The following ARSF variants were observed in gnomAD, a reference collection of about 807,000 sequenced individuals.
The protein encoded by ARSF is arylsulfatase F.
Under a neutral mutation model 35.4 loss-of-function variants are expected in ARSF, and 33 were observed. The ratio of observed to expected loss-of-function variants is 0.93; its 90% CI spans 0.71 to 1.25. The LOEUF is 1.25. Ranked by LOEUF, ARSF falls within the 50% of genes most tolerant of loss-of-function variation. ARSF has a pLI of 0.00. For missense variants in ARSF, 501 were observed against 480.2 expected (o/e 1.04, Z -0.40); for synonymous variants, 222 against 193.1 (o/e 1.15, Z -1.24).
intron 1 of ARSF, among the ~76,000 whole-genome samples, chrX:3,045,554 CT>C (rs780857677): frequency 0.021 from 1,884 of 89,828 alleles, 15 homozygotes; most frequent in African/African-American, 0.026. Context: ...CTGGGCTAAT[CT>C]TTTTTTTTTT....
chrX:3,082,772 CA>C (rs1368884634), intron 5 of ARSF, among the ~76,000 whole-genome samples: 11 of 111,117 alleles, frequency 9.9e-5, no homozygotes, highest in South Asian at 3.8e-4. Flanking sequence ...CATATGTATA[CA>C]TAGATGCATA....
intron 1 of ARSF, among the ~76,000 whole-genome samples, chrX:3,053,145 A>G (rs943515616): frequency 1.8e-5 from 2 of 111,122 alleles, no homozygotes; most frequent in African/African-American, 6.5e-5. Context: ...ATTAAATTCC[A>G]GGGAAGGGCA....
chrX:3,072,247 T>C (rs2090110787), intron 3 of ARSF, 72 bp downstream of exon 3: 7 of 1,077,837 alleles, frequency 6.5e-6, no homozygotes, highest in Non-Finnish European at 7.5e-6. Context: ...TACGGCTGCA[T>C]CTATGTGCAA....
chrX:3,073,433 C>T (rs2090121072), intron 3 of ARSF, among the ~76,000 whole-genome samples: 1 of 100,238 alleles, frequency 1.0e-5, no homozygotes, highest in Non-Finnish European at 2.0e-5. Flanking sequence ...AGAGCCAGGA[C>T]TCGGGTCCAG....
At chrX:3,046,838 T>C (rs1418231534) in intron 1 of ARSF, among the ~76,000 whole-genome samples, 1 of 110,829 alleles carries the variant, frequency 9.0e-6, no homozygotes. Flanking sequence ...CAAAACCAAG[T>C]AACTATTAAA....
intron 7 of ARSF, among the ~76,000 whole-genome samples, chrX:3,090,649 C>G (rs982936298): frequency 1.8e-5 from 2 of 112,497 alleles, no homozygotes; most frequent in Non-Finnish European, 3.7e-5. Flanking sequence ...GCACTCCAGT[C>G]TGGGTGACAG....
chrX:3,094,382 G>A (rs1395291735), intron 7 of ARSF, among the ~76,000 whole-genome samples: 1 of 111,649 alleles, frequency 9.0e-6, no homozygotes, highest in Non-Finnish European at 1.9e-5. Context: ...CCTACAGACC[G>A]TCATTTCACA....
intron 8 of ARSF, among the ~76,000 whole-genome samples, chrX:3,102,650 C>T (rs902259152): frequency 8.9e-6 from 1 of 112,373 alleles, no homozygotes; most frequent in Non-Finnish European, 1.9e-5. Context: ...ATTTTTGGCT[C>T]ATGCCTGTAA....
chrX:3,093,579 G>C (rs993362022), intron 7 of ARSF, among the ~76,000 whole-genome samples: 6 of 112,199 alleles, frequency 5.3e-5, no homozygotes, highest in East Asian at 2.8e-4. Context: ...TTACTGCAAA[G>C]GATGTGATTT....
intron 3 of ARSF, among the ~76,000 whole-genome samples, chrX:3,075,103 G>T (rs755558382): frequency 1.8e-5 from 2 of 112,109 alleles, no homozygotes; most frequent in South Asian, 3.8e-4. Flanking sequence ...TCAAACCAGT[G>T]AGTGGGTGGG....
intron 7 of ARSF, among the ~76,000 whole-genome samples, chrX:3,099,051 T>C (rs2147536310): frequency 9.0e-6 from 1 of 110,839 alleles, no homozygotes; most frequent in Non-Finnish European, 1.9e-5. Flanking sequence ...TCTTTCTTCC[T>C]CTCTCTCTCT....
At chrX:3,040,842 C>G (rs2089952290), upstream of ARSF, among the ~76,000 whole-genome samples, 1 of 111,081 alleles carries the variant, frequency 9.0e-6, no homozygotes, top group African/African-American at 3.3e-5. Context: ...GAGAGAAACT[C>G]AGACACGTGA....
At chrX:3,103,382 A>G (rs2090391804) in intron 8 of ARSF, among the ~76,000 whole-genome samples, 1 of 111,393 alleles carries the variant, frequency 9.0e-6, no homozygotes, top group South Asian at 3.8e-4. Flanking sequence ...TGTGAGTTCC[A>G]TAAAATTGGG....
chrX:3,046,379 T>C (rs1220016620), intron 1 of ARSF, among the ~76,000 whole-genome samples: 1 of 111,468 alleles, frequency 9.0e-6, no homozygotes, highest in Non-Finnish European at 1.9e-5. Context: ...AAGAAATGAT[T>C]TGGGGGCTCC....
intron 1 of ARSF, among the ~76,000 whole-genome samples, chrX:3,047,150 G>A (rs1053454462): frequency 9.1e-6 from 1 of 110,256 alleles, no homozygotes; most frequent in African/African-American, 3.3e-5. Flanking sequence ...AAAATGGGTT[G>A]TAAGAATGAC....
At chrX:3,049,496 C>T (rs1176343401) in intron 1 of ARSF, among the ~76,000 whole-genome samples, 1 of 112,102 alleles carries the variant, frequency 8.9e-6, no homozygotes, top group African/African-American at 3.2e-5. Flanking sequence ...CTTTGACCCA[C>T]ACCTGTGAAG....
chrX:3,095,367 A>G (rs1295582986), intron 7 of ARSF, among the ~76,000 whole-genome samples: 2 of 108,381 alleles, frequency 1.8e-5, no homozygotes, highest in African/African-American at 3.3e-5. Flanking sequence ...ATTATATTAC[A>G]TATAATTTAT....
chrX:3,079,834 C>G (rs1334600134), intron 4 of ARSF, among the ~76,000 whole-genome samples: 1 of 106,767 alleles, frequency 9.4e-6, no homozygotes, highest in Admixed American at 1.0e-4. Context: ...TGGTACATAC[C>G]TGTAATCCCA....
At chrX:3,040,341 G>A (rs1378992556), upstream of ARSF, among the ~76,000 whole-genome samples, 2 of 110,958 alleles carry the variant, frequency 1.8e-5, no homozygotes, top group Non-Finnish European at 3.8e-5. Flanking sequence ...CAGTGGAACC[G>A]GTGAGTCCTC....
Sources: gnomAD v4.1 joint callset for allele counts (sites outside exome capture counted in the v4.1 genomes callset) on GRCh38, gnomAD v4.1.1 for gene constraint, MANE v1.5 for transcripts, NCBI Gene and HGNC (gene_info 2026-07-23, HGNC 2026-07-21) for gene names.